The following RAP1GAP2 variants were observed in gnomAD, a reference collection of about 807,000 sequenced individuals.
RAP1GAP2 encodes RAP1 GTPase activating protein 2, also known as rap1 GTPase-activating protein 2.
A neutral mutation model predicts 95.0 loss-of-function variants in RAP1GAP2; 27 were observed. The ratio of observed to expected loss-of-function variants is 0.28; its 90% CI spans 0.21 to 0.39. RAP1GAP2 has a LOEUF of 0.39. Among genes scored for constraint, RAP1GAP2 ranks in the 10% least tolerant of loss-of-function variants. The pLI, the probability that RAP1GAP2 is intolerant of heterozygous loss-of-function variation, is 1.00. For synonymous variants in RAP1GAP2, 373 were observed against 380.9 expected (o/e 0.98, Z 0.24); for missense variants, 771 against 970.0 (o/e 0.79, Z 2.72).
intron 1 of RAP1GAP2, among the ~76,000 whole-genome samples, chr17:2,778,031 TGGGAGGCG>T (rs1567640820): frequency 7.6e-6 from 1 of 130,918 alleles, no homozygotes; most frequent in African/African-American, 3.7e-5. Context: ...GCTGGGAGGC[TGGGAGGCG>T]GGGAGTGACT....
At chr17:2,983,408 C>G (rs2045444692) in intron 10 of RAP1GAP2, among the ~76,000 whole-genome samples, 1 of 152,126 alleles carries the variant, frequency 6.6e-6, no homozygotes, top group South Asian at 2.1e-4. Context: ...CGTTGACATG[C>G]TTCAGTTGGG....
intron 2 of RAP1GAP2, chr17:2,854,143 G>A (rs959766569): frequency 1.0e-6 from 1 of 985,402 alleles, no homozygotes; most frequent in African/African-American, 1.7e-5. Flanking sequence ...CCGCTCTCCT[G>A]CTGCATGCCA....
intron 23 of RAP1GAP2, among the ~76,000 whole-genome samples, chr17:3,031,431 T>A (rs112608669): frequency 1.7e-4 from 12 of 70,172 alleles, no homozygotes; most frequent in East Asian, 4.0e-4. Context: ...CCCAGTCCCT[T>A]CCTGAGCTCT....
rs2047498290 is a variant in RAP1GAP2 at position 3,037,372 on chromosome 17, C to CCCT, written c.*4013_*4014insTCC. Reference sequence around the variant, plus strand: ...GCTTGGAAGTGTGAACTACCCCCCCCCCCCCGCTTCCTGCTCCTTAGCATG... The same window carrying CCCT: ...GCTTGGAAGTGTGAACTACCCCCCCCCCTCCCCCGCTTCCTGCTCCTTAGCATG... On this transcript the variant is annotated 3_prime_UTR_variant, in exon 25 of 25. Transcript: ENST00000254695. 1 of 75,882 alleles carries CCCT rather than the reference C, an allele frequency of 1.3e-5. No individual in the cohort carries two copies. Among genetic ancestry groups the CCCT allele is most frequent in the Non-Finnish European group, 4.3e-5 (1 of 23,168 alleles). 4.7% of individuals were successfully genotyped at this position (75,882 alleles called of 1,614,324 possible). A position where few individuals can be genotyped will look rare whatever the true frequency, so the allele number is the denominator to read the frequency against.
chr17:2,785,899 C>CTT (rs386385450), intron 1 of RAP1GAP2, among the ~76,000 whole-genome samples: 30,081 of 119,926 alleles, frequency 0.25, 4,457 homozygotes, highest in East Asian at 0.47. Flanking sequence ...AAAAGTATGA[C>CTT]TTTTTTTTTT....
At chr17:2,940,435 A>G (rs1029454088) in intron 3 of RAP1GAP2, among the ~76,000 whole-genome samples, 2 of 152,192 alleles carry the variant, frequency 1.3e-5, no homozygotes, top group African/African-American at 4.8e-5. Context: ...CTGCCAGCCA[A>G]AGGCTGTGCA....
intron 2 of RAP1GAP2, among the ~76,000 whole-genome samples, chr17:2,842,541 A>G (rs1044551472): frequency 1.4e-5 from 1 of 71,548 alleles, no homozygotes; most frequent in Non-Finnish European, 2.5e-5. Flanking sequence ...AAAAAAAAAA[A>G]AAAAAAAAAA....
intron 2 of RAP1GAP2, among the ~76,000 whole-genome samples, chr17:2,771,494 T>TG (rs1191550918): frequency 4.0e-5 from 6 of 148,516 alleles, no homozygotes; most frequent in East Asian, 2.0e-4. Context: ...TTGTTTTTTT[T>TG]TTTTGTTTTT....
At chr17:2,883,661 C>T (rs999353276) in intron 2 of RAP1GAP2, among the ~76,000 whole-genome samples, 3 of 152,202 alleles carry the variant, frequency 2.0e-5, no homozygotes, top group African/African-American at 7.2e-5. Context: ...CTTCTATCTG[C>T]GGCCTAGAGT....
At chr17:2,938,687 TA>T (rs1046818450) in intron 3 of RAP1GAP2, among the ~76,000 whole-genome samples, 14 of 151,922 alleles carry the variant, frequency 9.2e-5, no homozygotes, top group Non-Finnish European at 2.1e-4. Context: ...ACACCTTGGA[TA>T]AAAAAAATAA....
In RAP1GAP2 at chr17:2,825,304, C is replaced by T. The variant is rs145136405; in HGVS notation, c.80+24754C>T. ...CCTGTCTCCGCAGGGTTGTTTTTGG[C>T]TCATGATTTGGGCAAGAGGAGGGAG... On this transcript the variant is annotated intron_variant, in intron 2 of 24. Transcript: ENST00000254695. The surrounding 1 kb of genome is among the most constrained non-coding windows in gnomAD (Gnocchi z 4.1). Among the ~76,000 whole-genome samples, 367 of 152,202 alleles carry T rather than the reference C, an allele frequency of 2.4e-3. 1 individual carries two copies. Among genetic ancestry groups the T allele is most frequent in the African/African-American group, 8.4e-3 (350 of 41,528 alleles).
intron 1 of RAP1GAP2, among the ~76,000 whole-genome samples, chr17:2,764,738 A>T (rs922098954): frequency 9.2e-5 from 14 of 152,342 alleles, no homozygotes; most frequent in African/African-American, 1.4e-4. Context: ...AATAAATAAA[A>T]AAATAAAAAT....
At chr17:3,019,231 A>G (rs2046875758) in intron 18 of RAP1GAP2, among the ~76,000 whole-genome samples, 1 of 152,096 alleles carries the variant, frequency 6.6e-6, no homozygotes, top group African/African-American at 2.4e-5. Context: ...GGAGGGAATC[A>G]TGTAGTTGGG....
intron 1 of RAP1GAP2, among the ~76,000 whole-genome samples, chr17:2,767,633 C>T (rs1016958834): frequency 3.3e-5 from 5 of 152,008 alleles, no homozygotes; most frequent in Admixed American, 3.3e-4. Context: ...GAACAATGTG[C>T]CTTGGAGATC....
At position 3,032,459 on chromosome 17, in the gene RAP1GAP2, G is replaced by A. The variant is rs978130037; in HGVS notation, c.*30+10G>A. 4 of 1,612,834 alleles carry A rather than the reference G, an allele frequency of 2.5e-6. 1 individual carries two copies. The highest frequency in any genetic ancestry group is 1.7e-6 in the Non-Finnish European group (2 of 1,178,988). On this transcript the variant is annotated intron_variant, in intron 24 of 24. Coordinates refer to ENST00000254695, the MANE Select transcript of RAP1GAP2 (RefSeq NM_015085.5). ...CCTTCGCCTGTCCAAGGTGGGTTGAGTGAATGTCCTGCTGTGGCCGTGAGG... is the reference window on the plus strand; with the variant it reads ...CCTTCGCCTGTCCAAGGTGGGTTGAATGAATGTCCTGCTGTGGCCGTGAGG...
At chr17:2,927,525 T>C (rs1369116354) in intron 3 of RAP1GAP2, among the ~76,000 whole-genome samples, 3 of 148,068 alleles carry the variant, frequency 2.0e-5, no homozygotes, top group African/African-American at 2.4e-5. Flanking sequence ...AGAGACTCTT[T>C]TGATCACACT....
At chr17:2,879,464 A>G (rs1365473771) in intron 2 of RAP1GAP2, among the ~76,000 whole-genome samples, 2 of 150,702 alleles carry the variant, frequency 1.3e-5, no homozygotes, top group Non-Finnish European at 3.0e-5. Context: ...GTGGCAGCTC[A>G]TGCCTGTCAT....
chr17:2,813,840 G>C (rs762565503), intron 2 of RAP1GAP2, among the ~76,000 whole-genome samples: 7 of 152,088 alleles, frequency 4.6e-5, no homozygotes, highest in Non-Finnish European at 8.8e-5. Context: ...GCACGTGCCT[G>C]TAATCGTAGC....
rs1555592760 is a variant in RAP1GAP2, at chr17:2,993,581, A to AAAT, written c.915-1754_915-1753insTAA. On this transcript the variant is annotated intron_variant, in intron 12 of 24. Transcript: ENST00000254695. Reference sequence around the variant, plus strand: ...GAGTGAGACTCTGTCTAAAAAAAAAAAAATAAATAAATAAATAAAAAATAA... The same window carrying AAAT: ...GAGTGAGACTCTGTCTAAAAAAAAAAAATAAATAAATAAATAAATAAAAAATAA... Among the ~76,000 whole-genome samples the AAAT allele has an allele frequency of 2.9e-5, 4 of 137,336 alleles. No individual in the cohort carries two copies. In the East Asian group the frequency reaches 7.0e-4, roughly 24 times the overall value. 90.1% of individuals were successfully genotyped at this position (137,336 alleles called of 152,430 possible).
Sources: gnomAD v4.1 joint callset for allele counts (sites outside exome capture counted in the v4.1 genomes callset) on GRCh38, gnomAD v4.1.1 for gene constraint, Gnocchi (gnomAD v3.1) non-coding constraint, MANE v1.5 for transcripts, NCBI Gene and HGNC (gene_info 2026-07-23, HGNC 2026-07-21) for gene names.